Variants in GNA14 observed in about 807,000 individuals in gnomAD.
The protein encoded by GNA14 is G protein subunit alpha 14, also known as guanine nucleotide-binding protein subunit alpha-14.
In GNA14, 50 loss-of-function variants were observed where a neutral mutation model predicts 42.0. The observed-to-expected ratio is 1.19, with a 90% CI of 0.95 to 1.51. GNA14 has a LOEUF of 1.51. GNA14 is among the 40% of genes most tolerant of loss of function. GNA14 has a pLI of 0.00. For missense variants in GNA14, 473 were observed against 446.2 expected (o/e 1.06, Z -0.54); for synonymous variants, 173 against 163.1 (o/e 1.06, Z -0.46).
intron 4 of GNA14, among the ~76,000 whole-genome samples, chr9:77,430,122 G>C (rs1036281597): frequency 6.6e-6 from 1 of 152,206 alleles, no homozygotes. Flanking sequence ...TCACAGCAGG[G>C]AACCGATCTT....
intron 1 of GNA14, among the ~76,000 whole-genome samples, chr9:77,586,431 C>T (rs1823303777): frequency 6.6e-6 from 1 of 152,066 alleles, no homozygotes; most frequent in Non-Finnish European, 1.5e-5. Flanking sequence ...AATGAAAATA[C>T]AATTCAGAGT....
At chr9:77,629,983 AATCT>A (rs778157673) in intron 1 of GNA14, among the ~76,000 whole-genome samples, 16 of 152,236 alleles carry the variant, frequency 1.1e-4, no homozygotes, top group South Asian at 2.1e-4. Context: ...GATATTAAAT[AATCT>A]ATCAGAGTTG....
chr9:77,495,201 T>C (rs1836851338), intron 2 of GNA14, among the ~76,000 whole-genome samples: 1 of 152,022 alleles, frequency 6.6e-6, no homozygotes, highest in African/African-American at 2.4e-5. Context: ...CTCTGTAAGA[T>C]GCCAGGCTGC....
chr9:77,641,113 GAAGGAAGGAA>G (rs1824259459), intron 1 of GNA14, among the ~76,000 whole-genome samples: 1 of 12,060 alleles, frequency 8.3e-5, no homozygotes, highest in Admixed American at 6.4e-4. Flanking sequence ...AGGAAGGAAG[GAAGGAAGGAA>G]GGAAGGAAGG....
intron 2 of GNA14, among the ~76,000 whole-genome samples, chr9:77,528,630 A>G (rs1436971005): frequency 6.6e-6 from 1 of 152,142 alleles, no homozygotes; most frequent in Non-Finnish European, 1.5e-5. Flanking sequence ...CAGAACAAAC[A>G]AACAAAACCC....
chr9:77,429,066 G>A, intron 4 of GNA14, 30 bp from the exon 5 acceptor site: 1 of 1,611,940 alleles, frequency 6.2e-7, no homozygotes, highest in East Asian at 2.2e-5. Flanking sequence ...ATCCTTCAAA[G>A]GTTGGAATAC....
At chr9:77,577,686 C>A (rs1344369021) in intron 1 of GNA14, among the ~76,000 whole-genome samples, 1 of 152,186 alleles carries the variant, frequency 6.6e-6, no homozygotes, top group Non-Finnish European at 1.5e-5. Context: ...CTCTGAGAAT[C>A]TTCCTGTTTA....
intron 2 of GNA14, among the ~76,000 whole-genome samples, chr9:77,479,617 A>G (rs1836503311): frequency 6.6e-6 from 1 of 152,106 alleles, no homozygotes; most frequent in Non-Finnish European, 1.5e-5. Context: ...CTTGGGCAGT[A>G]TGGCCATTTT....
At chr9:77,613,099 G>C (rs897912824) in intron 1 of GNA14, among the ~76,000 whole-genome samples, 2 of 152,188 alleles carry the variant, frequency 1.3e-5, no homozygotes, top group African/African-American at 4.8e-5. Context: ...TATGCTAAGT[G>C]AAATAAGCCA....
At chr9:77,582,748 A>G (rs942557159) in intron 1 of GNA14, among the ~76,000 whole-genome samples, 4 of 152,136 alleles carry the variant, frequency 2.6e-5, no homozygotes, top group African/African-American at 9.7e-5. Flanking sequence ...TCACAGATAC[A>G]TTGTGCAACA....
chr9:77,592,772 C>T (rs946703663), intron 1 of GNA14, among the ~76,000 whole-genome samples: 1 of 152,122 alleles, frequency 6.6e-6, no homozygotes, highest in African/African-American at 2.4e-5. Flanking sequence ...CACTGGTCTC[C>T]TTGCTGTAGG....
intron 1 of GNA14, among the ~76,000 whole-genome samples, chr9:77,593,465 C>T (rs1001346337): frequency 4.6e-5 from 7 of 152,116 alleles, no homozygotes; most frequent in African/African-American, 1.4e-4. Flanking sequence ...CGTGCACTAC[C>T]ACGCCAGGCT....
In GNA14 at chr9:77,566,660, ATAT is replaced by A. The variant is rs542574789; in HGVS notation, c.125-37410_125-37408del. ...TGAAAGGCTTCAATATGTCCACTAA[ATAT>A]TATAAGTTTGTACAACCACCAACAG... On this transcript the variant is annotated intron_variant, in intron 1 of 6. Coordinates refer to ENST00000341700, the MANE Select transcript of GNA14 (RefSeq NM_004297.4). Among the ~76,000 whole-genome samples the A allele has an allele frequency of 3.3e-5, 5 of 152,346 alleles. No homozygotes were observed. In the South Asian group the frequency reaches 6.2e-4, roughly 19 times the overall value.
intron 1 of GNA14, among the ~76,000 whole-genome samples, chr9:77,550,166 G>C (rs114788919): frequency 6.6e-6 from 1 of 152,118 alleles, no homozygotes; most frequent in Non-Finnish European, 1.5e-5. Flanking sequence ...GCAAATGTAC[G>C]GTGCCTCCCT....
intron 1 of GNA14, among the ~76,000 whole-genome samples, chr9:77,645,765 T>G (rs1392919670): frequency 6.6e-6 from 1 of 152,172 alleles, no homozygotes; most frequent in Non-Finnish European, 1.5e-5. Context: ...GACTACACAA[T>G]TTTTCATACA....
At chr9:77,548,880 A>G (rs1837755984) in intron 1 of GNA14, among the ~76,000 whole-genome samples, 1 of 152,118 alleles carries the variant, frequency 6.6e-6, no homozygotes, top group African/African-American at 2.4e-5. Flanking sequence ...ATCCCTTCCC[A>G]TTTAATATGG....
At chr9:77,503,457 G>C (rs1384358727) in intron 2 of GNA14, among the ~76,000 whole-genome samples, 2 of 152,118 alleles carry the variant, frequency 1.3e-5, no homozygotes, top group African/African-American at 2.4e-5. Flanking sequence ...GCTTCCCATA[G>C]AAGTATGGAG....
At chr9:77,588,232 C>T (rs1823335509) in intron 1 of GNA14, among the ~76,000 whole-genome samples, 1 of 152,300 alleles carries the variant, frequency 6.6e-6, no homozygotes, top group Admixed American at 6.5e-5. Flanking sequence ...AGGGGGACAT[C>T]TTTGGGGGGC....
intron 1 of GNA14, among the ~76,000 whole-genome samples, chr9:77,628,654 A>G (rs75312701): frequency 6.6e-6 from 1 of 152,210 alleles, no homozygotes; most frequent in East Asian, 1.9e-4. Flanking sequence ...TCCATATTTA[A>G]TAAATAGTGT....
Sources: gnomAD v4.1 joint callset for allele counts (sites outside exome capture counted in the v4.1 genomes callset) on GRCh38, gnomAD v4.1.1 for gene constraint, MANE v1.5 for transcripts, NCBI Gene and HGNC (gene_info 2026-07-23, HGNC 2026-07-21) for gene names.